ETV4: variants seen among roughly 807,000 people sequenced by gnomAD.
The protein encoded by ETV4 is ETS variant transcription factor 4.
A neutral mutation model predicts 65.9 loss-of-function variants in ETV4; 42 were observed. The ratio of observed to expected loss-of-function variants is 0.64; its 90% CI spans 0.50 to 0.82. The LOEUF (loss-of-function observed/expected upper bound fraction) is 0.82, where lower values mean the gene tolerates loss of function less well. Ranked by LOEUF, ETV4 falls within the 40% of genes least tolerant of loss-of-function variation. The pLI is 0.00. For synonymous variants in ETV4, 238 were observed against 260.0 expected, an observed-to-expected ratio of 0.92 and a Z score of 0.81; for missense variants, 583 against 630.3, an observed-to-expected ratio of 0.92 and a Z score of 0.80.
intron 8 of ETV4, 77 bp from the exon 9 acceptor site, chr17:43,530,258 A>G: frequency 1.3e-6 from 2 of 1,539,620 alleles, no homozygotes; most frequent in South Asian, 1.2e-5. Flanking sequence ...AGTCCTATCC[A>G]CATTCAAGAA....
rs1159371558 is a variant in ETV4 at position 43,529,533 on chromosome 17, T to C, written c.1099A>G (p.Met367Val). Reference protein sequence around the residue: ...AHFIAWTGRGMEFKLIEPEEV... With the variant: ...AHFIAWTGRGVEFKLIEPEEV... The stretch of plus-strand genomic sequence containing the variant: ...TCAGGCTCAATGAGCTTGAACTCCA[T>C]TCCCCGGCCCGTCCAGGCAATGAAA... Residue 367 changes from methionine to valine, a missense_variant, in exon 11 of 13, where the codon ATG (methionine) becomes GTG (valine). Transcript: ENST00000319349. 6.2e-7 allele frequency: 1 copy of C among 1,613,454 alleles called. No homozygotes were observed. Among genetic ancestry groups the C allele is most frequent in the African/African-American group, 1.3e-5 (1 of 74,882 alleles).
At position 43,527,915 on chromosome 17, in the gene ETV4, G is replaced by C; in HGVS notation, c.*604C>G. 4.3e-6 allele frequency: 1 copy of C among 233,036 alleles called. No homozygotes were observed. Among genetic ancestry groups the C allele is most frequent in the Non-Finnish European group, 8.5e-6 (1 of 117,722 alleles). The allele number at this position is 233,036 out of a possible 1,614,324, so 14.4% of individuals were successfully genotyped here. On this transcript the variant is annotated 3_prime_UTR_variant, in exon 13 of 13. Coordinates refer to ENST00000319349, the MANE Select transcript of ETV4 (RefSeq NM_001079675.5). The stretch of plus-strand genomic sequence containing the variant: ...AGGTGGAAGTACAAACCCAGGCCTG[G>C]GCCTAGGAAAGGGCAGAAGAAAGGC...
chr17:43,537,986 C>T (rs894709836), intron 4 of ETV4, among the ~76,000 whole-genome samples: 10 of 151,940 alleles, frequency 6.6e-5, no homozygotes, highest in East Asian at 1.9e-4. Context: ...AAAAATTAGC[C>T]GGGTGTGGTG....
At chr17:43,528,879 C>T in intron 12 of ETV4, 136 bp from the exon 13 acceptor site, 1 of 728,954 alleles carries the variant, frequency 1.4e-6, no homozygotes, top group East Asian at 2.7e-5. Flanking sequence ...ATGCTGGTTC[C>T]TGAGAAGCTG....
chr17:43,535,281 G>T (rs1171108987), intron 5 of ETV4, among the ~76,000 whole-genome samples: 1 of 142,566 alleles, frequency 7.0e-6, no homozygotes, highest in Non-Finnish European at 1.6e-5. Context: ...TTGTTTTTTG[G>T]TTTTTGTTTT....
chr17:43,541,825 A>G (rs957615814), intron 4 of ETV4, among the ~76,000 whole-genome samples: 2 of 152,182 alleles, frequency 1.3e-5, no homozygotes, highest in Non-Finnish European at 1.5e-5. Flanking sequence ...TTTGTCCCCA[A>G]GAGTCTTCAG....
Position 43,529,543 on chromosome 17 carries a change from C to T in ETV4, c.1089G>A (p.Thr363=), listed in dbSNP as rs199811549. ...DPTNAHFIAW[T]GRGMEFKLIE... ...TGAGCTTGAACTCCATTCCCCGGCC[C>T]GTCCAGGCAATGAAATGGGCATTTG... Residue 363 remains threonine, a synonymous_variant, in exon 11 of 13, where the codon ACG becomes ACA. Coordinates refer to ENST00000319349, the MANE Select transcript of ETV4 (RefSeq NM_001079675.5). The T allele has an allele frequency of 6.7e-5, 108 of 1,613,964 alleles. No homozygotes were observed. Among genetic ancestry groups the T allele is most frequent in the East Asian group, 2.7e-4 (12 of 44,836 alleles).
intron 4 of ETV4, among the ~76,000 whole-genome samples, chr17:43,538,871 T>G (rs1016792471): frequency 1.3e-5 from 2 of 152,148 alleles, no homozygotes; most frequent in African/African-American, 4.8e-5. Flanking sequence ...ATGGGGAAAC[T>G]GATAAAATGC....
At position 43,530,173 on chromosome 17, in the gene ETV4, C is replaced by T. The variant is rs979920984; in HGVS notation, c.820G>A (p.Gly274Arg). The T allele has an allele frequency of 6.2e-5, 96 of 1,555,536 alleles. No individual in the cohort carries two copies. The highest frequency in any genetic ancestry group is 8.0e-5 in the Non-Finnish European group (92 of 1,148,966). The change falls in exon 9 of 13, where the codon GGG (glycine) becomes AGG (arginine). Residue 274 changes from glycine to arginine, a missense_variant. Transcript: ENST00000319349. ...TDFAYDSDVT[G>R]CASMYLHTEG... Reference sequence around the variant, plus strand: ...GTGTGGAGGTACATTGATGCGCACCCGGTGACATCTGTGGGGGAAGAAGGG... The same window carrying T: ...GTGTGGAGGTACATTGATGCGCACCTGGTGACATCTGTGGGGGAAGAAGGG...
intron 5 of ETV4, 107 bp from the exon 6 acceptor site, chr17:43,534,092 G>A: frequency 8.2e-7 from 1 of 1,215,126 alleles, no homozygotes; most frequent in Non-Finnish European, 1.1e-6. Flanking sequence ...GACTGGTACA[G>A]CCTCCTTCCC....
chr17:43,533,405 A>G, intron 6 of ETV4, 57 bp from the exon 7 acceptor site: 1 of 1,523,942 alleles, frequency 6.6e-7, no homozygotes, highest in South Asian at 1.2e-5. Context: ...AGCATCTTTG[A>G]ACCCTTCATT....
rs531334240 is a variant in ETV4 at position 43,529,288 on chromosome 17, A to C, written c.1129-52T>G. The C allele has an allele frequency of 2.1e-5, 33 of 1,575,512 alleles. No homozygotes were observed. In the East Asian group the frequency reaches 6.9e-4, roughly 33 times the overall value. On this transcript the variant is annotated intron_variant, in intron 11 of 12. Transcript: ENST00000319349. ...AGATGCTACCTTGGCAGAGGAAAAA[A>C]TGGGGGTAAGGTCAGAAAGAGCACT... is the stretch of plus-strand genomic sequence containing the variant.
intron 8 of ETV4, among the ~76,000 whole-genome samples, chr17:43,531,152 C>A (rs117348380): frequency 0.011 from 1,720 of 152,272 alleles, 16 homozygotes; most frequent in Non-Finnish European, 0.019. Context: ...TGTGGTTCAT[C>A]CCCCTGCCCT....
chr17:43,530,291 C>T, intron 8 of ETV4, 110 bp from the exon 9 acceptor site: 1 of 1,515,162 alleles, frequency 6.6e-7, no homozygotes. Flanking sequence ...AGCCTGCTTC[C>T]TGGTGACTGT....
At chr17:43,534,085 T>C in intron 5 of ETV4, 100 bp from the exon 6 acceptor site, 1 of 1,266,196 alleles carries the variant, frequency 7.9e-7, no homozygotes, top group Non-Finnish European at 1.0e-6. Context: ...GCTGGGTGAC[T>C]GGTACAGCCT....
chr17:43,541,311 T>C (rs1971509722), intron 4 of ETV4, among the ~76,000 whole-genome samples: 1 of 152,198 alleles, frequency 6.6e-6, no homozygotes, highest in African/African-American at 2.4e-5. Context: ...CCATGTTTCG[T>C]CTTAAGTGTA....
intron 4 of ETV4, among the ~76,000 whole-genome samples, chr17:43,541,822 C>T (rs1971538985): frequency 6.6e-6 from 1 of 152,010 alleles, no homozygotes; most frequent in Admixed American, 6.6e-5. Flanking sequence ...ATATTTGTCC[C>T]CAAGAGTCTT....
chr17:43,545,662 C>G lies in ETV4; in HGVS notation c.-45G>C, dbSNP rs755342909. 5.9e-6 allele frequency: 9 copies of G among 1,534,014 alleles called. No homozygotes were observed. The South Asian group carries it at 1.1e-4, about 18-fold the overall frequency. On this transcript the variant is annotated 5_prime_UTR_variant, in exon 2 of 13. Transcript: ENST00000319349. The stretch of plus-strand genomic sequence containing the variant: ...GCACGGCCGGGGCCCCAAGCGGGGG[C>G]CGAGACCTGGTGGGGGAGGGGGCTG...
chr17:43,534,941 CTAAA>C (rs1006619201), intron 5 of ETV4, among the ~76,000 whole-genome samples: 8 of 152,200 alleles, frequency 5.3e-5, no homozygotes, highest in African/African-American at 1.7e-4. Context: ...AACTCTGTCT[CTAAA>C]TAAATAAATA....
Sources: allele counts gnomAD v4.1 joint callset (sites outside exome capture counted in the v4.1 genomes callset), GRCh38; gene constraint gnomAD v4.1.1; transcripts MANE v1.5; gene names NCBI Gene and HGNC (gene_info 2026-07-23, HGNC 2026-07-21).